Variants in ARHGAP10 observed in about 807,000 individuals in gnomAD.
ARHGAP10 encodes Rho GTPase activating protein 10.
A neutral mutation model predicts 108.6 loss-of-function variants in ARHGAP10; 87 were observed. That is an observed-to-expected ratio of 0.80 (90% CI 0.67 to 0.96). ARHGAP10 has a LOEUF of 0.96. ARHGAP10 is among the 40% of genes least tolerant of loss of function. The pLI, the probability that ARHGAP10 is intolerant of heterozygous loss-of-function variation, is 0.00. For synonymous variants in ARHGAP10, 347 were observed against 341.1 expected (o/e 1.02, Z -0.19); for missense variants, 939 against 954.5 (o/e 0.98, Z 0.21).
chr4:147,959,198 G>C (rs28572267), intron 16 of ARHGAP10, among the ~76,000 whole-genome samples: 10,599 of 151,432 alleles, frequency 0.07, 512 homozygotes, highest in African/African-American at 0.14. Flanking sequence ...AAACAAGATA[G>C]AGAAAAAAAT....
At chr4:147,812,264 T>C (rs990854864) in intron 1 of ARHGAP10, among the ~76,000 whole-genome samples, 1 of 152,094 alleles carries the variant, frequency 6.6e-6, no homozygotes, top group East Asian at 1.9e-4. Flanking sequence ...CTTTGAAAAA[T>C]GGGGTACTTG....
Position 147,877,224 on chromosome 4 carries a change from G to GT in ARHGAP10, c.833-1998dup, listed in dbSNP as rs373409656. Among the ~76,000 whole-genome samples the GT allele has an allele frequency of 3.1e-4, 45 of 146,916 alleles. 2 individuals are homozygous for GT. The highest frequency in any genetic ancestry group is 3.5e-3 in the Middle Eastern group (1 of 282). On this transcript the variant is annotated intron_variant, in intron 8 of 22. Coordinates refer to ENST00000336498, the MANE Select transcript of ARHGAP10 (RefSeq NM_024605.4). ...TAGACAGTATCATCCTCTCTGGGCAGTTTTTTTTTTCTTAGAGTTAAATAA... is the reference window on the plus strand; with the variant it reads ...TAGACAGTATCATCCTCTCTGGGCAGTTTTTTTTTTTCTTAGAGTTAAATAA...
chr4:147,842,788 G>A (rs954487019), intron 3 of ARHGAP10, among the ~76,000 whole-genome samples: 3 of 152,182 alleles, frequency 2.0e-5, no homozygotes, highest in Admixed American at 6.5e-5. Context: ...CTGTGCTGAC[G>A]TGTTCACATC....
intron 1 of ARHGAP10, among the ~76,000 whole-genome samples, chr4:147,733,350 G>A (rs1728299627): frequency 6.7e-6 from 1 of 148,658 alleles, no homozygotes; most frequent in African/African-American, 2.6e-5. Flanking sequence ...TAGCCCCAGT[G>A]AGGAGCTGGG....
intron 14 of ARHGAP10, among the ~76,000 whole-genome samples, chr4:147,945,366 A>G (rs1428671309): frequency 6.6e-6 from 1 of 152,070 alleles, no homozygotes; most frequent in Admixed American, 6.6e-5. Context: ...TTTACTTTAT[A>G]AAGAAGCAGC....
At chr4:147,983,311 G>A (rs1447105907) in intron 18 of ARHGAP10, among the ~76,000 whole-genome samples, 6 of 150,402 alleles carry the variant, frequency 4.0e-5, no homozygotes, top group African/African-American at 1.5e-4. Flanking sequence ...TCAGCCTCCC[G>A]AGTAGCTGGG....
At chr4:147,977,431 C>T (rs1739637510) in intron 18 of ARHGAP10, among the ~76,000 whole-genome samples, 1 of 152,078 alleles carries the variant, frequency 6.6e-6, no homozygotes, top group South Asian at 2.1e-4. Context: ...TAAAATAAAG[C>T]TTTTAGAGCT....
At chr4:148,003,515 T>TA (rs1206263111) in intron 18 of ARHGAP10, among the ~76,000 whole-genome samples, 68 of 152,296 alleles carry the variant, frequency 4.5e-4, no homozygotes, top group African/African-American at 1.6e-3. Context: ...AGTGGGGTGT[T>TA]AAAGTCTCCC....
At chr4:147,783,659 A>G (rs1730663440) in intron 1 of ARHGAP10, among the ~76,000 whole-genome samples, 1 of 146,638 alleles carries the variant, frequency 6.8e-6, no homozygotes, top group South Asian at 2.2e-4. Context: ...TATAGAACAC[A>G]TTAAATTGTG....
chr4:147,907,631 T>C (rs1736551382), intron 11 of ARHGAP10, among the ~76,000 whole-genome samples: 1 of 151,792 alleles, frequency 6.6e-6, no homozygotes, highest in Admixed American at 6.6e-5. Flanking sequence ...CATTGGTGAG[T>C]GTATAGGAAA....
chr4:147,967,188 C>T (rs954556648), intron 18 of ARHGAP10, among the ~76,000 whole-genome samples: 4 of 152,184 alleles, frequency 2.6e-5, no homozygotes, highest in Non-Finnish European at 5.9e-5. Context: ...CAACCCTGTA[C>T]TCTTGATAAA....
chr4:147,788,214 A>T (rs1256244728), intron 1 of ARHGAP10, among the ~76,000 whole-genome samples: 1 of 152,198 alleles, frequency 6.6e-6, no homozygotes, highest in East Asian at 1.9e-4. Flanking sequence ...TGGGAGGCCT[A>T]GGTGGATGGA....
intron 16 of ARHGAP10, among the ~76,000 whole-genome samples, chr4:147,957,715 G>C (rs558910788): frequency 3.9e-5 from 6 of 152,052 alleles, no homozygotes; most frequent in Non-Finnish European, 7.4e-5. Context: ...AGTTCTCAAG[G>C]TTTCTCCTGG....
Position 147,966,722 on chromosome 4 carries a change from CTT to C in ARHGAP10, c.1600_1601del (p.Leu534ArgfsTer34). 6.3e-7 allele frequency: 1 copy of C among 1,596,690 alleles called. No individual in the cohort carries two copies. The highest frequency in any genetic ancestry group is 1.1e-5 in the South Asian group (1 of 88,140). Reference sequence around the variant, plus strand: ...AGCAGAACCTGATGACTGTGGCAAACTTAGGAGTGGTGTTTGGACCAACTCTG... The same window carrying C: ...AGCAGAACCTGATGACTGTGGCAAACAGGAGTGGTGTTTGGACCAACTCTG... ...SKQNLMTVAN[L>X]GVVFGPTLMR... On this transcript the variant is annotated frameshift_variant, in exon 18 of 23. Coordinates refer to ENST00000336498, the MANE Select transcript of ARHGAP10 (RefSeq NM_024605.4). LOFTEE classifies it high-confidence loss of function.
intron 3 of ARHGAP10, 75 bp from the exon 4 acceptor site, chr4:147,847,076 G>C: frequency 1.6e-6 from 2 of 1,226,674 alleles, no homozygotes; most frequent in Non-Finnish European, 2.3e-6. Flanking sequence ...GGATGGAAGA[G>C]GGAAATGAAA....
At chr4:147,779,839 G>A (rs1372756228) in intron 1 of ARHGAP10, among the ~76,000 whole-genome samples, 1 of 152,146 alleles carries the variant, frequency 6.6e-6, no homozygotes, top group Non-Finnish European at 1.5e-5. Context: ...TGTTGACCCT[G>A]AAATTTCCTC....
intron 3 of ARHGAP10, among the ~76,000 whole-genome samples, chr4:147,831,022 A>G (rs1469114855): frequency 6.6e-6 from 1 of 152,214 alleles, no homozygotes; most frequent in Non-Finnish European, 1.5e-5. Context: ...GGAACGTGCA[A>G]GAAATGCACA....
At chr4:147,779,944 C>T (rs1435454159) in intron 1 of ARHGAP10, among the ~76,000 whole-genome samples, 1 of 152,156 alleles carries the variant, frequency 6.6e-6, no homozygotes, top group East Asian at 1.9e-4. Flanking sequence ...TATAGTCTTG[C>T]CCGAGTATGA....
intron 18 of ARHGAP10, among the ~76,000 whole-genome samples, chr4:148,014,618 G>A (rs1443666109): frequency 6.6e-6 from 1 of 152,182 alleles, no homozygotes; most frequent in African/African-American, 2.4e-5. Context: ...AAGAAGCAGG[G>A]CACTGATGTT....
Sources: allele counts gnomAD v4.1 joint callset (sites outside exome capture counted in the v4.1 genomes callset), GRCh38; gene constraint gnomAD v4.1.1; transcripts MANE v1.5; gene names NCBI Gene and HGNC (gene_info 2026-07-23, HGNC 2026-07-21).